The following BLTP1 variants were observed in gnomAD, a reference collection of about 807,000 sequenced individuals.
BLTP1 encodes the protein fragile site-associated protein.
At chr4:122,325,005 A>G in the BLTP1 span, among the ~76,000 whole-genome samples, 1 of 151,976 alleles carries the variant, frequency 6.6e-6, no homozygotes, top group South Asian at 2.1e-4. Context: ...ACTATAACGT[A>G]AGAAGTATAA....
chr4:122,315,379 T>C, the BLTP1 span: 3 of 1,550,014 alleles, frequency 1.9e-6, no homozygotes, highest in Non-Finnish European at 2.6e-6. Flanking sequence ...TTAGTTATTA[T>C]ATGTGGCCAT....
chr4:122,358,592 A>G, the BLTP1 span, among the ~76,000 whole-genome samples: 1 of 152,326 alleles, frequency 6.6e-6, no homozygotes, highest in Admixed American at 6.5e-5. Context: ...TGTAACCACC[A>G]CCAGTAATAA....
chr4:122,193,036 CTGT>C, the BLTP1 span, among the ~76,000 whole-genome samples: 2 of 152,118 alleles, frequency 1.3e-5, no homozygotes, highest in Non-Finnish European at 2.9e-5. Context: ...TTGTAGATGG[CTGT>C]TGTTTTCCAG....
the BLTP1 span, among the ~76,000 whole-genome samples, chr4:122,241,635 G>A: frequency 0.03 from 4,534 of 152,244 alleles, 114 homozygotes; most frequent in East Asian, 0.14. Flanking sequence ...TGAATAATAT[G>A]TATTGAAGGA....
At chr4:122,326,561 T>G in the BLTP1 span, among the ~76,000 whole-genome samples, 1 of 151,770 alleles carries the variant, frequency 6.6e-6, no homozygotes, top group African/African-American at 2.4e-5. Context: ...GAGCTTGTTC[T>G]TTTTTTATGA....
At chr4:122,325,215 T>C in the BLTP1 span, 1 of 1,585,354 alleles carries the variant, frequency 6.3e-7, no homozygotes, top group Non-Finnish European at 8.6e-7. Context: ...TTTATAACTT[T>C]ATATTTACTT....
the BLTP1 span, chr4:122,360,103 T>TTTAA: frequency 1.1e-6 from 1 of 929,472 alleles, no homozygotes; most frequent in African/African-American, 1.8e-5. Context: ...AGAAGTCATA[T>TTTAA]TTAATTGTTA....
chr4:122,357,045 A>G, the BLTP1 span: 1 of 982,618 alleles, frequency 1.0e-6, no homozygotes, highest in South Asian at 4.7e-5. Context: ...GTGAGAAAAT[A>G]CTGCAAATCA....
the BLTP1 span, chr4:122,208,512 G>C: frequency 3.8e-5 from 36 of 946,292 alleles, no homozygotes; most frequent in Middle Eastern, 5.3e-4. Flanking sequence ...AGAATCAAAT[G>C]AGACAATACT....
the BLTP1 span, chr4:122,347,728 C>G: frequency 3.7e-6 from 6 of 1,613,580 alleles, no homozygotes; most frequent in African/African-American, 1.3e-5. Flanking sequence ...CCTAAAATCC[C>G]CAGCTTCCAT....
the BLTP1 span, among the ~76,000 whole-genome samples, chr4:122,170,144 T>G: frequency 6.6e-6 from 1 of 151,776 alleles, no homozygotes; most frequent in South Asian, 2.1e-4. Flanking sequence ...CCATCTCTAC[T>G]AAAAATACAA....
the BLTP1 span, chr4:122,201,100 T>C: frequency 6.2e-7 from 1 of 1,612,552 alleles, no homozygotes; most frequent in Non-Finnish European, 8.5e-7. Flanking sequence ...TACCACTTCA[T>C]CTTTGCACAG....
chr4:122,333,850 G>T, the BLTP1 span: 2 of 1,567,474 alleles, frequency 1.3e-6, no homozygotes, highest in Non-Finnish European at 1.7e-6. Flanking sequence ...TAGACTATTG[G>T]TAGCAATGTT....
At chr4:122,347,148 T>C in the BLTP1 span, 6 of 984,642 alleles carry the variant, frequency 6.1e-6, no homozygotes, top group Non-Finnish European at 7.2e-6. Context: ...CAGAAGATGC[T>C]GGGGACATGT....
At chr4:122,347,716 A>G in the BLTP1 span, 1 of 1,613,700 alleles carries the variant, frequency 6.2e-7, no homozygotes, top group Non-Finnish European at 8.5e-7. Flanking sequence ...AGTAGGACAG[A>G]GCCTAAAATC....
chr4:122,348,233 C>T, the BLTP1 span, among the ~76,000 whole-genome samples: 5 of 152,278 alleles, frequency 3.3e-5, no homozygotes, highest in East Asian at 5.8e-4. Context: ...TATTTGGCAA[C>T]AGCACCTTAT....
chr4:122,331,690 C>T, the BLTP1 span: 1 of 1,387,606 alleles, frequency 7.2e-7, no homozygotes, highest in Non-Finnish European at 9.3e-7. Context: ...GTGTATATTT[C>T]TTATACAGTT....
At chr4:122,347,305 C>T in the BLTP1 span, 1 of 916,898 alleles carries the variant, frequency 1.1e-6, no homozygotes, top group Non-Finnish European at 1.3e-6. Context: ...CACCTGTAAA[C>T]TGAGACCAGA....
chr4:122,329,874 G>A, the BLTP1 span, among the ~76,000 whole-genome samples: 1 of 151,374 alleles, frequency 6.6e-6, no homozygotes, highest in African/African-American at 2.4e-5. Flanking sequence ...GATTAGCAAC[G>A]GCCAACCTCC....
Sources: gnomAD v4.1 joint callset for allele counts (sites outside exome capture counted in the v4.1 genomes callset) on GRCh38, gnomAD v4.1.1 for gene constraint, MANE v1.5 for transcripts, NCBI Gene and HGNC (gene_info 2026-07-23, HGNC 2026-07-21) for gene names.